The following CD72 variants were observed in gnomAD, a reference collection of about 807,000 sequenced individuals.
The protein encoded by CD72 is CD72 molecule, also known as B-cell differentiation antigen CD72.
CD72 carries 28 observed loss-of-function variants against 50.7 expected under a neutral mutation model. The ratio of observed to expected loss-of-function variants is 0.55; its 90% CI spans 0.41 to 0.76. The LOEUF (loss-of-function observed/expected upper bound fraction) is 0.76, where lower values mean the gene tolerates loss of function less well. Ranked by LOEUF, CD72 falls within the 30% of genes least tolerant of loss-of-function variation. CD72 has a pLI of 0.00. For missense variants in CD72, 403 were observed against 420.6 expected (o/e 0.96, Z 0.37); for synonymous variants, 176 against 171.2 (o/e 1.03, Z -0.22).
At chr9:35,618,448 C>T, upstream of CD72, 4 of 1,525,330 alleles carry the variant, frequency 2.6e-6, no homozygotes, top group Non-Finnish European at 3.5e-6. Context: ...CTTCCAGTCA[C>T]AAAAGAGGAA....
At chr9:35,645,600 A>C (rs12379668) in intron 1 of CD72, among the ~76,000 whole-genome samples, 9,116 of 151,338 alleles carry the variant, frequency 0.06, 344 homozygotes, top group Middle Eastern at 0.11. Context: ...AAAACAAACA[A>C]AAAAAAACTT....
chr9:35,645,079 T>C (rs202188862), intron 1 of CD72, among the ~76,000 whole-genome samples: 1 of 149,858 alleles, frequency 6.7e-6, no homozygotes, highest in East Asian at 2.0e-4. Context: ...CATGCCTGTA[T>C]TCCCAGCTAC....
chr9:35,619,241 G>T (rs1823118972), upstream of CD72, among the ~76,000 whole-genome samples: 1 of 152,166 alleles, frequency 6.6e-6, no homozygotes, highest in Admixed American at 6.5e-5. Flanking sequence ...CATAGGTGGT[G>T]GGGGCCTGGC....
At chr9:35,629,140 G>T (rs1483274203) in intron 1 of CD72, among the ~76,000 whole-genome samples, 2 of 152,010 alleles carry the variant, frequency 1.3e-5, no homozygotes, top group African/African-American at 4.8e-5. Flanking sequence ...GCCTCCCAAA[G>T]TACTGGAATT....
chr9:35,645,173 T>C (rs1317909855), intron 1 of CD72, among the ~76,000 whole-genome samples: 4 of 134,772 alleles, frequency 3.0e-5, no homozygotes, highest in Non-Finnish European at 6.2e-5. Flanking sequence ...CACTTCAGCC[T>C]GGGCAACAAG....
At position 35,618,212 on chromosome 9, in the gene CD72, T is replaced by C. The variant is rs200241778; in HGVS notation, c.82+10A>G. The C allele has an allele frequency of 1.2e-6, 2 of 1,613,210 alleles. No homozygotes were observed. Among genetic ancestry groups the C allele is most frequent in the East Asian group, 4.5e-5 (2 of 44,880 alleles). On this transcript the variant is annotated intron_variant, in intron 1 of 8. Coordinates refer to ENST00000259633, the MANE Select transcript of CD72 (RefSeq NM_001782.3). ...GATGCAGGATCAAGGGGAGGCCTCA[T>C]CCCCCTTACCCTGTCCTAACCGGCT...
upstream of CD72, among the ~76,000 whole-genome samples, chr9:35,621,591 A>T (rs1334745119): frequency 6.6e-6 from 1 of 152,216 alleles, no homozygotes; most frequent in African/African-American, 2.4e-5. Flanking sequence ...TACCTGACAA[A>T]ATGTAGATGT....
At chr9:35,642,046 G>C (rs955107582) in intron 1 of CD72, among the ~76,000 whole-genome samples, 3 of 152,212 alleles carry the variant, frequency 2.0e-5, no homozygotes, top group African/African-American at 7.2e-5. Context: ...AGTTCCTGGA[G>C]TGAGGGGATT....
chr9:35,613,345 C>T (rs186873711), intron 5 of CD72, among the ~76,000 whole-genome samples: 1 of 152,210 alleles, frequency 6.6e-6, no homozygotes, highest in Non-Finnish European at 1.5e-5. Flanking sequence ...ACATCCTCCA[C>T]TCCTCCAGCA....
intron 5 of CD72, 74 bp from the exon 6 acceptor site, chr9:35,613,067 A>C: frequency 7.8e-7 from 1 of 1,287,104 alleles, no homozygotes; most frequent in Middle Eastern, 1.9e-4. Context: ...TTTGCTAACA[A>C]TATTCCCCCA....
intron 1 of CD72, among the ~76,000 whole-genome samples, chr9:35,630,969 T>A (rs963246399): frequency 2.0e-5 from 3 of 152,204 alleles, no homozygotes; most frequent in Non-Finnish European, 4.4e-5. Flanking sequence ...ATTGAGTTGA[T>A]ACAAAGTGCT....
intron 1 of CD72, among the ~76,000 whole-genome samples, chr9:35,645,006 A>C (rs1823375230): frequency 6.6e-6 from 1 of 151,646 alleles, no homozygotes. Flanking sequence ...GTTCCAGACC[A>C]GTCTGACCAA....
In CD72 at chr9:35,610,076, A is replaced by G. The variant is rs992211254; in HGVS notation, c.*247T>C. 85 of 264,310 alleles carry G rather than the reference A, an allele frequency of 3.2e-4. No homozygotes were observed. The highest frequency in any genetic ancestry group is 1.7e-3 in the African/African-American group (77 of 44,858). 16.4% of individuals were successfully genotyped at this position (264,310 alleles called of 1,614,324 possible). A position where few individuals can be genotyped will look rare whatever the true frequency, so the allele number is the denominator to read the frequency against. On this transcript the variant is annotated 3_prime_UTR_variant, in exon 9 of 9. Transcript: ENST00000259633. ...CCCTCCTCCCCCACCCCATTCTACC[A>G]TGGGAAGTTCTTGGGGGGAGGCCAA...
At chr9:35,611,250 CAAA>C (rs749846765) in intron 7 of CD72, among the ~76,000 whole-genome samples, 10 of 117,234 alleles carry the variant, frequency 8.5e-5, no homozygotes, top group South Asian at 2.7e-4. Flanking sequence ...GACTCCATCT[CAAA>C]AAAAAAAAAA....
intron 1 of CD72, among the ~76,000 whole-genome samples, chr9:35,632,594 C>G (rs1303921277): frequency 9.8e-6 from 1 of 102,320 alleles, no homozygotes; most frequent in Non-Finnish European, 2.0e-5. Flanking sequence ...TTTTTTTTTT[C>G]GAGAGGGAGC....
At chr9:35,624,461 A>G (rs1271434098), upstream of CD72, among the ~76,000 whole-genome samples, 1 of 151,930 alleles carries the variant, frequency 6.6e-6, no homozygotes, top group Non-Finnish European at 1.5e-5. Flanking sequence ...GAGAGCATCT[A>G]CCTTGACCCA....
At chr9:35,621,384 T>A (rs547448370), upstream of CD72, among the ~76,000 whole-genome samples, 5 of 152,310 alleles carry the variant, frequency 3.3e-5, no homozygotes, top group African/African-American at 1.2e-4. Flanking sequence ...TGATCAACTT[T>A]GTGTCATTGA....
intron 1 of CD72, among the ~76,000 whole-genome samples, chr9:35,636,670 G>A (rs1823292646): frequency 6.6e-6 from 1 of 152,144 alleles, no homozygotes; most frequent in Admixed American, 6.5e-5. Flanking sequence ...GAACTTTCTG[G>A]CCGGGCGCAG....
At chr9:35,624,848 T>C (rs1010623293) in intron 1 of CD72, among the ~76,000 whole-genome samples, 2 of 152,192 alleles carry the variant, frequency 1.3e-5, no homozygotes, top group African/African-American at 4.8e-5. Context: ...ATCAGTGATT[T>C]TTGATGTTAA....
Sources: gnomAD v4.1 joint callset for allele counts (sites outside exome capture counted in the v4.1 genomes callset) on GRCh38, gnomAD v4.1.1 for gene constraint, MANE v1.5 for transcripts, NCBI Gene and HGNC (gene_info 2026-07-23, HGNC 2026-07-21) for gene names.